Variants in CHORDC1 observed in about 807,000 individuals in gnomAD.
CHORDC1 encodes cysteine and histidine-rich domain-containing protein 1.
Under a neutral mutation model 48.3 loss-of-function variants are expected in CHORDC1, and 25 were observed. The ratio of observed to expected loss-of-function variants is 0.52; its 90% CI spans 0.38 to 0.72. CHORDC1 has a LOEUF of 0.72. CHORDC1 is among the 30% of genes least tolerant of loss of function. The pLI, the probability that CHORDC1 is intolerant of heterozygous loss-of-function variation, is 0.00. For missense variants in CHORDC1, 317 were observed against 388.7 expected (o/e 0.82, Z 1.55); for synonymous variants, 128 against 126.4 (o/e 1.01, Z -0.09).
chr11:90,214,134 C>T lies in CHORDC1; in HGVS notation c.213G>A (p.Glu71=). The T allele has an allele frequency of 6.2e-7, 1 of 1,613,354 alleles. No homozygotes were observed. Among genetic ancestry groups the T allele is most frequent in the African/African-American group, 1.3e-5 (1 of 75,000 alleles). Residue 71 remains glutamate (E), a synonymous_variant, in exon 4 of 11, where the codon GAG becomes GAA. Transcript: ENST00000320585. ...KGRHNSEKPP[E]PVKPEVKTTE... is the part of the protein sequence containing the mutation. ...TAGTCTTGACTTCAGGTTTGACTGGCTCAGGTGGCTTCTCACTATTATGTC... is the reference window on the plus strand; with the variant it reads ...TAGTCTTGACTTCAGGTTTGACTGGTTCAGGTGGCTTCTCACTATTATGTC...
rs1857533712 is a variant in CHORDC1 at position 90,201,095 on chromosome 11, T to C, written c.*1310A>G. 1 of 151,996 alleles carries C rather than the reference T, an allele frequency of 6.6e-6. No homozygotes were observed. The highest frequency in any genetic ancestry group is 1.5e-5 in the Non-Finnish European group (1 of 67,856). The allele number at this position is 151,996 out of a possible 1,614,324, so 9.4% of individuals were successfully genotyped here. A position where few individuals can be genotyped will look rare whatever the true frequency, so the allele number is the denominator to read the frequency against. ...TAACTACAACTAAGTTATTTGCTAA[T>C]GGTAGTAGAATGATACATATGTTTT... is the stretch of plus-strand genomic sequence containing the variant. On this transcript the variant is annotated 3_prime_UTR_variant, in exon 11 of 11. Coordinates refer to ENST00000320585, the MANE Select transcript of CHORDC1 (RefSeq NM_012124.3).
intron 1 of CHORDC1, among the ~76,000 whole-genome samples, chr11:90,218,634 T>C (rs958782408): frequency 6.6e-6 from 1 of 152,248 alleles, no homozygotes; most frequent in Non-Finnish European, 1.5e-5. Context: ...TTTTAAATAC[T>C]GTAAAGATTT....
At chr11:90,215,332 C>A in intron 2 of CHORDC1, 102 bp from the exon 3 acceptor site, 1 of 668,400 alleles carries the variant, frequency 1.5e-6, no homozygotes. Flanking sequence ...CCTGCAGTAA[C>A]TTGCGTATAG....
At chr11:90,211,064 T>G (rs1432970308) in intron 5 of CHORDC1, 151 bp downstream of exon 5, 5 of 513,026 alleles carry the variant, frequency 9.7e-6, no homozygotes, top group Non-Finnish European at 1.0e-5. Context: ...GTATTTGTAG[T>G]TTATCATATC....
intron 8 of CHORDC1, among the ~76,000 whole-genome samples, chr11:90,204,040 T>C (rs1241743021): frequency 6.6e-6 from 1 of 152,188 alleles, no homozygotes; most frequent in Non-Finnish European, 1.5e-5. Context: ...ATTTGTTATA[T>C]AAATGAGAAC....
Position 90,202,893 on chromosome 11 carries a change from A to G in CHORDC1, c.790-18T>C. The G allele has an allele frequency of 6.4e-7, 1 of 1,574,278 alleles. No homozygotes were observed. Among genetic ancestry groups the G allele is most frequent in the Non-Finnish European group, 8.6e-7 (1 of 1,163,302 alleles). The stretch of plus-strand genomic sequence containing the variant: ...ACATTTAACTGAAAAAGATATACAC[A>G]GTTAATTGATCTAATTCAAACTGAA... On this transcript the variant is annotated intron_variant, in intron 9 of 10. Transcript: ENST00000320585.
At chr11:90,214,933 A>G (rs950496461) in intron 3 of CHORDC1, among the ~76,000 whole-genome samples, 6 of 152,072 alleles carry the variant, frequency 3.9e-5, no homozygotes, top group South Asian at 2.1e-4. Flanking sequence ...TTCTTTCAAC[A>G]TAACAGAAAG....
At position 90,214,128 on chromosome 11, in the gene CHORDC1, G is replaced by C; in HGVS notation, c.219C>G (p.Val73=). The change falls in exon 4 of 11, where the codon GTC becomes GTG. Residue 73 remains valine (V), a synonymous_variant. Coordinates refer to ENST00000320585, the MANE Select transcript of CHORDC1 (RefSeq NM_012124.3). ...RHNSEKPPEP[V]KPEVKTTEKK... is the part of the protein sequence containing the mutation. Reference sequence around the variant, plus strand: ...TCTCAGTAGTCTTGACTTCAGGTTTGACTGGCTCAGGTGGCTTCTCACTAT... The same window carrying C: ...TCTCAGTAGTCTTGACTTCAGGTTTCACTGGCTCAGGTGGCTTCTCACTAT... The C allele has an allele frequency of 1.2e-6, 2 of 1,613,434 alleles. No individual in the cohort carries two copies. Among genetic ancestry groups the C allele is most frequent in the Non-Finnish European group, 1.7e-6 (2 of 1,179,532 alleles).
chr11:90,222,592 C>G, intron 1 of CHORDC1: 1 of 623,456 alleles, frequency 1.6e-6, no homozygotes, highest in Non-Finnish European at 3.0e-6. Context: ...GTTCTAAATT[C>G]CAGGCGACTT....
At chr11:90,208,082 T>A (rs1396232256) in intron 6 of CHORDC1, 1 of 141,964 alleles carries the variant, frequency 7.0e-6, no homozygotes, top group African/African-American at 2.5e-5. Flanking sequence ...AAAAAAAAAA[T>A]CCAAAATACT....
intron 6 of CHORDC1, chr11:90,208,224 G>C (rs1163627715): frequency 6.6e-6 from 1 of 152,216 alleles, no homozygotes; most frequent in East Asian, 1.9e-4. Flanking sequence ...CTGAGGTTCA[G>C]GAGTTTGAGA....
intron 5 of CHORDC1, chr11:90,210,805 T>A (rs1857840027): frequency 3.9e-6 from 2 of 516,862 alleles, no homozygotes; most frequent in East Asian, 6.4e-5. Flanking sequence ...ATTTTTTCCA[T>A]AACAAAATGT....
At chr11:90,213,334 CAAAAA>C (rs35305859) in intron 4 of CHORDC1, 1,421 of 572,288 alleles carry the variant, frequency 2.5e-3, no homozygotes, top group South Asian at 6.1e-3. Flanking sequence ...TACTTGCAGC[CAAAAA>C]AAAAAAAAAA....
intron 5 of CHORDC1, 69 bp downstream of exon 5, chr11:90,211,146 T>C (rs1317872552): frequency 9.4e-7 from 1 of 1,069,300 alleles, no homozygotes; most frequent in East Asian, 2.4e-5. Context: ...TAAACTACTA[T>C]TCTCTCTTTT....
In CHORDC1 at chr11:90,204,592, G is replaced by A. The variant is rs187111617; in HGVS notation, c.669+868C>T. Among the ~76,000 whole-genome samples the A allele has an allele frequency of 1.6e-3, 239 of 152,032 alleles. 1 individual carries two copies. The highest frequency in any genetic ancestry group is 5.5e-3 in the African/African-American group (229 of 41,478). On this transcript the variant is annotated intron_variant, in intron 8 of 10. Transcript: ENST00000320585. ...AAAAATTAGCTGGGCGTGGTGGTAC[G>A]CACCTGTAGTCCCAGCTACTAGGGA...
At chr11:90,221,511 C>A (rs550852213) in intron 1 of CHORDC1, among the ~76,000 whole-genome samples, 1 of 152,110 alleles carries the variant, frequency 6.6e-6, no homozygotes. Flanking sequence ...AAATGACTAT[C>A]GCCCCTGAAC....
At chr11:90,215,745 A>T (rs1857993136) in intron 2 of CHORDC1, among the ~76,000 whole-genome samples, 1 of 152,090 alleles carries the variant, frequency 6.6e-6, no homozygotes, top group East Asian at 1.9e-4. Flanking sequence ...TTCAGTGAGA[A>T]GCATAAAGAC....
Position 90,206,178 on chromosome 11 carries a change from T to C in CHORDC1, c.563+24A>G, listed in dbSNP as rs550054110. 9.1e-6 allele frequency: 12 copies of C among 1,325,390 alleles called. No homozygotes were observed. In the South Asian group the frequency reaches 1.2e-4, roughly 13 times the overall value. 82.1% of individuals were successfully genotyped at this position (1,325,390 alleles called of 1,614,324 possible). On this transcript the variant is annotated intron_variant, in intron 7 of 10. Coordinates refer to ENST00000320585, the MANE Select transcript of CHORDC1 (RefSeq NM_012124.3). Reference sequence around the variant, plus strand: ...CTTTCTAAATTCTACCATAAACTATTTTAATAAGTCATGCATAAGTTACCC... The same window carrying C: ...CTTTCTAAATTCTACCATAAACTATCTTAATAAGTCATGCATAAGTTACCC...
rs201264283 is a variant in CHORDC1, at chr11:90,206,157, C to T, written c.563+45G>A. On this transcript the variant is annotated intron_variant, in intron 7 of 10. Transcript: ENST00000320585. Reference sequence around the variant, plus strand: ...TTTAAAGACAGAAAGGTTTAACTTTCTAAATTCTACCATAAACTATTTTAA... The same window carrying T: ...TTTAAAGACAGAAAGGTTTAACTTTTTAAATTCTACCATAAACTATTTTAA... The T allele has an allele frequency of 4.2e-5, 49 of 1,170,574 alleles. No individual in the cohort carries two copies. In the African/African-American group the frequency reaches 6.9e-4, roughly 17 times the overall value. The allele number at this position is 1,170,574 out of a possible 1,614,324, so 72.5% of individuals were successfully genotyped here. A position where few individuals can be genotyped will look rare whatever the true frequency, so the allele number is the denominator to read the frequency against.
Sources: gnomAD v4.1 joint callset for allele counts (sites outside exome capture counted in the v4.1 genomes callset) on GRCh38, gnomAD v4.1.1 for gene constraint, MANE v1.5 for transcripts, NCBI Gene and HGNC (gene_info 2026-07-23, HGNC 2026-07-21) for gene names.